Variants in GPATCH11 observed in about 807,000 individuals in gnomAD.
GPATCH11 encodes the protein G-patch domain containing 11.
A neutral mutation model predicts 44.8 loss-of-function variants in GPATCH11; 32 were observed. The ratio of observed to expected loss-of-function variants is 0.71; its 90% confidence interval spans 0.54 to 0.96. The LOEUF (loss-of-function observed/expected upper bound fraction) is 0.96. GPATCH11 is among the 40% of genes least tolerant of loss of function. The pLI is 0.00. For synonymous variants in GPATCH11, 84 were observed against 94.4 expected (o/e 0.89, Z 0.64); for missense variants, 324 against 303.1 (o/e 1.07, Z -0.51).
At chr2:37,091,052 T>G (rs1673294541) in intron 4 of GPATCH11, among the ~76,000 whole-genome samples, 1 of 152,176 alleles carries the variant, frequency 6.6e-6, no homozygotes, top group Non-Finnish European at 1.5e-5. Flanking sequence ...TGGCCGGGCG[T>G]GGTGGCTCAC....
At position 37,088,378 on chromosome 2, in the gene GPATCH11, C is replaced by A; in HGVS notation, c.-4C>A. On this transcript the variant is annotated 5_prime_UTR_variant, in exon 2 of 9. Transcript: ENST00000674370. ...ATTACTTTATTTGTAGATACTATAG[C>A]CATATGAAGTTGAACATGGCAGAAG... 1 of 1,517,060 alleles carries A rather than the reference C, an allele frequency of 6.6e-7. No homozygotes were observed. Among genetic ancestry groups the A allele is most frequent in the Non-Finnish European group, 9.0e-7 (1 of 1,107,838 alleles). The allele number at this position is 1,517,060 out of a possible 1,614,324, so 94.0% of individuals were successfully genotyped here.
At chr2:37,090,643 A>G in intron 3 of GPATCH11, 38 bp from the exon 4 acceptor site, 1 of 1,278,610 alleles carries the variant, frequency 7.8e-7, no homozygotes, top group Non-Finnish European at 1.1e-6. Context: ...TAGTTTGAGG[A>G]AAATTTTCTA....
chr2:37,086,247 G>C (rs1271969639), intron 1 of GPATCH11, among the ~76,000 whole-genome samples: 3 of 152,320 alleles, frequency 2.0e-5, no homozygotes, highest in Admixed American at 2.0e-4. Context: ...TTGACTCACA[G>C]AAATGTATTA....
rs1060957 is a variant in GPATCH11, at chr2:37,098,637, A to G, written c.*2374A>G. 0.25 allele frequency: 38,798 copies of G among 152,258 alleles called. 6,032 individuals are homozygous for G. Among genetic ancestry groups the G allele is most frequent in the Middle Eastern group, 0.38 (112 of 294 alleles). 9.4% of individuals were successfully genotyped at this position (152,258 alleles called of 1,614,324 possible). A position where few individuals can be genotyped will look rare whatever the true frequency, so the allele number is the denominator to read the frequency against. ...ATTATGCTGAGAATGCCAGGATAACACTGATGGAACCCATGACTTCACCAG... is the reference window on the plus strand; with the variant it reads ...ATTATGCTGAGAATGCCAGGATAACGCTGATGGAACCCATGACTTCACCAG... On this transcript the variant is annotated 3_prime_UTR_variant, in exon 9 of 9. Transcript: ENST00000674370.
At chr2:37,091,384 C>T (rs923766443) in intron 4 of GPATCH11, among the ~76,000 whole-genome samples, 4 of 149,298 alleles carry the variant, frequency 2.7e-5, no homozygotes, top group Non-Finnish European at 4.4e-5. Context: ...CATAGCAAGA[C>T]CTCATCTCTG....
chr2:37,098,921 A>G lies in GPATCH11; in HGVS notation c.*2658A>G, dbSNP rs1673736208. Reference sequence around the variant, plus strand: ...AAAAATCAGACTTTCAATATGAGTAACAAGTTATTTTTAGGCCTTTTATGA... The same window carrying G: ...AAAAATCAGACTTTCAATATGAGTAGCAAGTTATTTTTAGGCCTTTTATGA... On this transcript the variant is annotated 3_prime_UTR_variant, in exon 9 of 9. Coordinates refer to ENST00000674370, the MANE Select transcript of GPATCH11 (RefSeq NM_174931.4). The G allele has an allele frequency of 6.6e-6, 1 of 152,234 alleles. No homozygotes were observed. The highest frequency in any genetic ancestry group is 1.5e-5 in the Non-Finnish European group (1 of 68,044). 9.4% of individuals were successfully genotyped at this position (152,234 alleles called of 1,614,324 possible).
intron 6 of GPATCH11, among the ~76,000 whole-genome samples, chr2:37,092,746 T>C (rs151262765): frequency 2.0e-4 from 30 of 152,236 alleles, no homozygotes; most frequent in African/African-American, 7.2e-4. Context: ...TATTTGAATA[T>C]CAGTTATGAC....
intron 8 of GPATCH11, among the ~76,000 whole-genome samples, chr2:37,095,872 T>C (rs1411516187): frequency 2.0e-5 from 3 of 152,178 alleles, no homozygotes; most frequent in Non-Finnish European, 4.4e-5. Flanking sequence ...TATACTTAGA[T>C]AGAATATTGC....
At chr2:37,090,760 T>A (rs1319325186) in intron 4 of GPATCH11, 38 bp downstream of exon 4, 1 of 1,028,258 alleles carries the variant, frequency 9.7e-7, no homozygotes, top group Non-Finnish European at 1.5e-6. Context: ...CCAATAATAA[T>A]AACTTACGCT....
In GPATCH11 at chr2:37,089,638, A is replaced by T; in HGVS notation, c.60-2A>T. 1 of 1,546,918 alleles carries T rather than the reference A, an allele frequency of 6.5e-7. No homozygotes were observed. The highest frequency in any genetic ancestry group is 8.7e-7 in the Non-Finnish European group (1 of 1,143,160). On this transcript the variant is annotated splice_acceptor_variant, in intron 2 of 8. Transcript: ENST00000674370. LOFTEE classifies it high-confidence loss of function. Reference sequence around the variant, plus strand: ...TCTAAAATAAACTTTTCCCTTATTCAGAGAAGATATCAGACCAGGATTGCC... The same window carrying T: ...TCTAAAATAAACTTTTCCCTTATTCTGAGAAGATATCAGACCAGGATTGCC...
In GPATCH11 at chr2:37,090,286, C is replaced by G. The variant is rs2148640031; in HGVS notation, c.287-395C>G. Among the ~76,000 whole-genome samples the G allele has an allele frequency of 2.0e-5, 3 of 152,340 alleles. No individual in the cohort carries two copies. In the Middle Eastern group the frequency reaches 0.01, roughly 518 times the overall value. ...TCCAGTTGGAGAGGCTCAATTCTCACCTCTCTTTTTAGGAAGTGAAACTGC... is the reference window on the plus strand; with the variant it reads ...TCCAGTTGGAGAGGCTCAATTCTCAGCTCTCTTTTTAGGAAGTGAAACTGC... On this transcript the variant is annotated intron_variant, in intron 3 of 8. Transcript: ENST00000674370.
rs973897851 is a variant in GPATCH11, at chr2:37,092,260, G to C, written c.540+5G>C. 2.1e-6 allele frequency: 3 copies of C among 1,425,744 alleles called. No individual in the cohort carries two copies. Among genetic ancestry groups the C allele is most frequent in the Admixed American group, 5.3e-5 (2 of 37,538 alleles). The allele number at this position is 1,425,744 out of a possible 1,614,324, so 88.3% of individuals were successfully genotyped here. ...CAACAACTGGATGTCCAGAAAGTAAGCCTTTTACCAGCTTTCAGTTTAGTA... is the reference window on the plus strand; with the variant it reads ...CAACAACTGGATGTCCAGAAAGTAACCCTTTTACCAGCTTTCAGTTTAGTA... On this transcript the variant is annotated splice_donor_5th_base_variant and intron_variant, in intron 6 of 8. Transcript: ENST00000674370.
chr2:37,092,883 A>T (rs914727833), intron 6 of GPATCH11, among the ~76,000 whole-genome samples: 4 of 152,214 alleles, frequency 2.6e-5, no homozygotes, highest in African/African-American at 9.6e-5. Flanking sequence ...TGATGGCTCA[A>T]TCCTGTAATC....
intron 1 of GPATCH11, among the ~76,000 whole-genome samples, chr2:37,085,019 G>A (rs1228030241): frequency 6.6e-6 from 1 of 152,146 alleles, no homozygotes; most frequent in Non-Finnish European, 1.5e-5. Context: ...ACCTTCAAGT[G>A]TACCCCAAAT....
chr2:37,085,233 A>G (rs1486101298), intron 1 of GPATCH11, among the ~76,000 whole-genome samples: 1 of 152,228 alleles, frequency 6.6e-6, no homozygotes, highest in Non-Finnish European at 1.5e-5. Context: ...CTTAAAAACA[A>G]TGTAATCCTA....
chr2:37,097,224 A>T lies in GPATCH11; in HGVS notation c.*961A>T, dbSNP rs1673633361. The T allele has an allele frequency of 6.6e-6, 1 of 152,216 alleles. No individual in the cohort carries two copies. The highest frequency in any genetic ancestry group is 6.5e-5 in the Admixed American group (1 of 15,286). The allele number at this position is 152,216 out of a possible 1,614,324, so 9.4% of individuals were successfully genotyped here. On this transcript the variant is annotated 3_prime_UTR_variant, in exon 9 of 9. Coordinates refer to ENST00000674370, the MANE Select transcript of GPATCH11 (RefSeq NM_174931.4). ...CCTTTGCTTTTATTCTTCCAGCCAC[A>T]GAGAACTCACTGCTTTAAAACCATT...
intron 7 of GPATCH11, 74 bp from the exon 8 acceptor site, chr2:37,095,363 C>T (rs1419058383): frequency 6.7e-6 from 10 of 1,500,202 alleles, no homozygotes; most frequent in Admixed American, 2.7e-5. Flanking sequence ...TGAGCTAATT[C>T]GGCACGATCT....
At chr2:37,095,374 AAG>A (rs1673524684) in intron 7 of GPATCH11, 61 bp from the exon 8 acceptor site, 1 of 1,536,466 alleles carries the variant, frequency 6.5e-7, no homozygotes, top group Non-Finnish European at 8.7e-7. Context: ...GGCACGATCT[AAG>A]AGCCAGAAAA....
chr2:37,095,757 GA>G (rs1673544295), intron 8 of GPATCH11, among the ~76,000 whole-genome samples: 1 of 152,198 alleles, frequency 6.6e-6, no homozygotes, highest in Non-Finnish European at 1.5e-5. Flanking sequence ...AACAATTTTA[GA>G]ATAACCTGAG....
Sources: gnomAD v4.1 joint callset for allele counts (sites outside exome capture counted in the v4.1 genomes callset) on GRCh38, gnomAD v4.1.1 for gene constraint, MANE v1.5 for transcripts, NCBI Gene and HGNC (gene_info 2026-07-23, HGNC 2026-07-21) for gene names.